RNF135: variants seen among roughly 807,000 people sequenced by gnomAD.
RNF135 encodes the protein E3 ubiquitin-protein ligase RNF135.
RNF135 carries 46 observed loss-of-function variants against 41.9 expected under a neutral mutation model. That is an observed-to-expected ratio of 1.10 (90% CI 0.87 to 1.40). RNF135 has a LOEUF of 1.40. Among genes scored for constraint, RNF135 ranks in the 40% most tolerant of loss-of-function variants. RNF135 has a pLI of 0.00. For synonymous variants in RNF135, 238 were observed against 223.8 expected, an observed-to-expected ratio of 1.06 and a Z score of -0.57; for missense variants, 539 against 549.8, an observed-to-expected ratio of 0.98 and a Z score of 0.20.
At chr17:30,995,817 G>C (rs1264754009) in intron 3 of RNF135, among the ~76,000 whole-genome samples, 1 of 151,244 alleles carries the variant, frequency 6.6e-6, no homozygotes, top group Non-Finnish European at 1.5e-5. Context: ...GCAGTGGTGC[G>C]ATCTTGGCTC....
At chr17:30,963,726 T>C in the RNF135 span, among the ~76,000 whole-genome samples, 1 of 152,244 alleles carries the variant, frequency 6.6e-6, no homozygotes, top group South Asian at 2.1e-4. Flanking sequence ...TGAAGGCTTC[T>C]TTAATCAAGG....
At chr17:30,993,743 A>G in intron 3 of RNF135, 1 of 961,808 alleles carries the variant, frequency 1.0e-6, no homozygotes, top group Admixed American at 2.6e-5. Flanking sequence ...GGTTTTGCAA[A>G]TGCTTTTTAA....
chr17:30,969,767 T>C (rs2002533), upstream of RNF135, among the ~76,000 whole-genome samples: 31,154 of 136,052 alleles, frequency 0.23, 7,197 homozygotes, highest in African/African-American at 0.63. Context: ...TTCTTTTTTT[T>C]TTTTTTTTTT....
Position 30,988,052 on chromosome 17 carries a change from G to A in RNF135, c.625G>A (p.Glu209Lys). The change falls in exon 3 of 5, where the codon GAA becomes AAA. Residue 209 changes from glutamate to lysine, a missense_variant. By Grantham distance (56) the Glu-to-Lys change is moderately conservative (BLOSUM62 1). Around this residue, in one of 2 missense-constraint regions of RNF135, gnomAD observed 262 missense variants for 336.9 expected, o/e 0.78. Transcript: ENST00000328381. ...TCTCCATGACCTAGAAGAAATTCAGGAAAAATTACAAGAAAGCGTCACCTG... is the reference window on the plus strand; with the variant it reads ...TCTCCATGACCTAGAAGAAATTCAGAAAAAATTACAAGAAAGCGTCACCTG... ...DILHDLEEIQ[E>K]KLQESVTWKE... 1 of 1,614,106 alleles carries A rather than the reference G, an allele frequency of 6.2e-7. No homozygotes were observed. Among genetic ancestry groups the A allele is most frequent in the Non-Finnish European group, 8.5e-7 (1 of 1,180,008 alleles).
At chr17:30,979,714 A>C (rs1344943160) in intron 1 of RNF135, among the ~76,000 whole-genome samples, 6 of 36,998 alleles carry the variant, frequency 1.6e-4, no homozygotes, top group East Asian at 1.0e-3. Context: ...CGGGGGGCTG[A>C]CCCCCCCCAC....
At chr17:30,968,821 AG>A (rs1367789469), upstream of RNF135, 1 of 152,138 alleles carries the variant, frequency 6.6e-6, no homozygotes, top group African/African-American at 2.4e-5. Context: ...AGAAGAGGAG[AG>A]CTGGTTCCAG....
chr17:30,977,082 T>C, intron 1 of RNF135, among the ~76,000 whole-genome samples: 1 of 152,206 alleles, frequency 6.6e-6, no homozygotes, highest in East Asian at 1.9e-4. Context: ...AGTTTCTTGC[T>C]TTTTATTTTT....
At chr17:30,964,572 C>A in the RNF135 span, among the ~76,000 whole-genome samples, 2 of 152,144 alleles carry the variant, frequency 1.3e-5, no homozygotes, top group Middle Eastern at 3.4e-3. Flanking sequence ...CCAGTGCACT[C>A]CAGCCTGGGC....
chr17:30,984,652 G>A lies in RNF135; in HGVS notation c.408G>A (p.Gln136=), dbSNP rs1485216062. The A allele has an allele frequency of 6.2e-7, 1 of 1,614,170 alleles. No individual in the cohort carries two copies. Among genetic ancestry groups the A allele is most frequent in the South Asian group, 1.1e-5 (1 of 91,084 alleles). ...AVEKSITEVA[Q]ELTELVEHLV... is the part of the protein sequence containing the mutation. ...AGAAGAGCATCACAGAAGTTGCTCA[G>A]GAGCTGACAGAGCTGGTGGAACATC... Residue 136 remains glutamine (Q), a synonymous_variant, in exon 2 of 5, where the codon CAG becomes CAA. Coordinates refer to ENST00000328381, the MANE Select transcript of RNF135 (RefSeq NM_032322.4).
upstream of RNF135, chr17:30,970,362 C>G (rs919619319): frequency 6.6e-6 from 1 of 152,170 alleles, no homozygotes; most frequent in East Asian, 1.9e-4. Context: ...TTGGGAAACG[C>G]GCTTACATCC....
Position 30,996,463 on chromosome 17 carries a change from C to T in RNF135, c.680-779C>T, listed in dbSNP as rs548681642. 3.9e-4 allele frequency among the ~76,000 whole-genome samples: 60 copies of T among 152,258 alleles called. 1 individual carries two copies. The highest frequency in any genetic ancestry group is 1.3e-3 in the African/African-American group (56 of 41,556). ...CACATTTCTTTATCCATTTTTCTGT[C>T]TCTGGACACAGGGATTGCTTCAGTT... On this transcript the variant is annotated intron_variant, in intron 3 of 4. Coordinates refer to ENST00000328381, the MANE Select transcript of RNF135 (RefSeq NM_032322.4).
At chr17:30,970,706 T>C (rs1905819020), upstream of RNF135, 11 of 286,006 alleles carry the variant, frequency 3.8e-5, no homozygotes, top group South Asian at 4.4e-4. Flanking sequence ...TGTTGCATCT[T>C]TTTTGTTGTT....
At chr17:30,965,895 T>C in the RNF135 span, among the ~76,000 whole-genome samples, 25 of 151,980 alleles carry the variant, frequency 1.6e-4, no homozygotes, top group African/African-American at 6.0e-4. Context: ...AAGTCACCAG[T>C]CCTGGTGGCG....
At chr17:30,977,011 C>G (rs749241710) in intron 1 of RNF135, among the ~76,000 whole-genome samples, 14 of 151,906 alleles carry the variant, frequency 9.2e-5, no homozygotes, top group Non-Finnish European at 1.6e-4. Flanking sequence ...TCTTCTCTTC[C>G]TTCTTTCCTT....
intron 3 of RNF135, among the ~76,000 whole-genome samples, chr17:30,994,884 C>T (rs1421143537): frequency 6.6e-6 from 1 of 151,394 alleles, no homozygotes. Flanking sequence ...GTGATCCACC[C>T]GTCTCGGCCT....
intron 1 of RNF135, among the ~76,000 whole-genome samples, chr17:30,981,896 A>C (rs145185446): frequency 6.6e-6 from 1 of 152,316 alleles, no homozygotes; most frequent in East Asian, 1.9e-4. Flanking sequence ...ACGTTCTCCA[A>C]AACAGTCTGT....
intron 3 of RNF135, among the ~76,000 whole-genome samples, chr17:30,992,418 G>A (rs1052362817): frequency 1.3e-5 from 2 of 148,384 alleles, no homozygotes; most frequent in African/African-American, 5.0e-5. Context: ...TTGTTCTGTT[G>A]CCTAGACTGG....
At chr17:30,980,489 CG>C (rs1907025975) in intron 1 of RNF135, among the ~76,000 whole-genome samples, 1 of 132,022 alleles carries the variant, frequency 7.6e-6, no homozygotes, top group Non-Finnish European at 1.7e-5. Flanking sequence ...GGCGGCTGGC[CG>C]GGCGGGGGGC....
upstream of RNF135, among the ~76,000 whole-genome samples, chr17:30,966,599 C>T (rs986990237): frequency 4.0e-5 from 6 of 151,164 alleles, no homozygotes; most frequent in Admixed American, 1.3e-4. Context: ...GGGTTCACAC[C>T]ATTCTCCTGC....
Sources: gnomAD v4.1 joint callset for allele counts (sites outside exome capture counted in the v4.1 genomes callset) on GRCh38, gnomAD v4.1.1 for gene constraint, gnomAD v4.1.1 regional missense constraint, MANE v1.5 for transcripts, NCBI Gene and HGNC (gene_info 2026-07-23, HGNC 2026-07-21) for gene names.